The following NLGN1 variants were observed in gnomAD, a reference collection of about 807,000 sequenced individuals.
NLGN1 encodes neuroligin-1.
A neutral mutation model predicts 65.5 loss-of-function variants in NLGN1; 12 were observed. That is an observed-to-expected ratio of 0.18 (90% confidence interval 0.12 to 0.30). The LOEUF (loss-of-function observed/expected upper bound fraction) is 0.30, where lower values mean the gene tolerates loss of function less well. Among genes scored for constraint, NLGN1 ranks in the 10% least tolerant of loss-of-function variants. The probability of loss-of-function intolerance (pLI) is 1.00; values close to 1 mark genes in which losing one functional copy is unlikely to be tolerated. For synonymous variants in NLGN1, 350 were observed against 359.5 expected (o/e 0.97, Z 0.30); for missense variants, 750 against 1,007.1 (o/e 0.74, Z 3.46).
chr3:173,434,010 T>C (rs1170042909), intron 1 of NLGN1, among the ~76,000 whole-genome samples: 2 of 152,204 alleles, frequency 1.3e-5, no homozygotes, highest in African/African-American at 4.8e-5. Flanking sequence ...AAAATACTGC[T>C]TGCTATTTAA....
chr3:173,810,841 C>G (rs552411747), intron 4 of NLGN1, among the ~76,000 whole-genome samples: 1 of 152,320 alleles, frequency 6.6e-6, no homozygotes, highest in East Asian at 1.9e-4. Flanking sequence ...CTTCTACCGA[C>G]ACCCTTTAGT....
At chr3:173,468,884 G>A (rs753429361) in intron 2 of NLGN1, among the ~76,000 whole-genome samples, 1 of 152,078 alleles carries the variant, frequency 6.6e-6, no homozygotes, top group Non-Finnish European at 1.5e-5. Flanking sequence ...TTAAAAGCCA[G>A]TGCATAATAG....
intron 4 of NLGN1, among the ~76,000 whole-genome samples, chr3:174,015,877 A>G (rs1726462718): frequency 6.6e-6 from 1 of 152,220 alleles, no homozygotes; most frequent in Non-Finnish European, 1.5e-5. Context: ...GAATGAGAGT[A>G]AAGGAAATAG....
chr3:174,265,380 T>C (rs952615201), intron 4 of NLGN1, among the ~76,000 whole-genome samples: 1 of 152,128 alleles, frequency 6.6e-6, no homozygotes, highest in African/African-American at 2.4e-5. Flanking sequence ...TGTAATCTTG[T>C]GGTGCGCCGT....
At chr3:174,083,563 G>A (rs1220952405) in intron 4 of NLGN1, among the ~76,000 whole-genome samples, 1 of 151,940 alleles carries the variant, frequency 6.6e-6, no homozygotes, top group Non-Finnish European at 1.5e-5. Context: ...CATATATTGA[G>A]GTTACTTGCA....
intron 2 of NLGN1, among the ~76,000 whole-genome samples, chr3:173,517,267 A>G (rs1322897570): frequency 2.0e-5 from 3 of 152,072 alleles, no homozygotes; most frequent in Admixed American, 6.5e-5. Context: ...CAGTGTTAGA[A>G]TAGAAGATGC....
chr3:173,806,955 G>A (rs1439311102), intron 3 of NLGN1, among the ~76,000 whole-genome samples: 1 of 152,078 alleles, frequency 6.6e-6, no homozygotes, highest in Non-Finnish European at 1.5e-5. Context: ...CACAAAGAAA[G>A]TGAAAAAATA....
At chr3:173,437,511 A>G (rs893524044) in intron 2 of NLGN1, among the ~76,000 whole-genome samples, 1 of 152,164 alleles carries the variant, frequency 6.6e-6, no homozygotes, top group Non-Finnish European at 1.5e-5. Flanking sequence ...CTGCTTTTGA[A>G]CGTTGATGGA....
At chr3:174,055,172 G>A (rs141530002) in intron 4 of NLGN1, among the ~76,000 whole-genome samples, 735 of 73,110 alleles carry the variant, frequency 0.01, 15 homozygotes, top group East Asian at 0.072. Context: ...TTTTTTTTCT[G>A]TCCAGTGCCT....
intron 4 of NLGN1, among the ~76,000 whole-genome samples, chr3:173,811,726 A>G (rs1441982768): frequency 6.6e-6 from 1 of 152,130 alleles, no homozygotes; most frequent in Admixed American, 6.5e-5. Context: ...ATATAAGATA[A>G]GAATTGAAAG....
intron 4 of NLGN1, among the ~76,000 whole-genome samples, chr3:173,834,323 T>G (rs754574047): frequency 4.6e-5 from 7 of 152,276 alleles, no homozygotes; most frequent in African/African-American, 1.4e-4. Context: ...TACTCTTTAT[T>G]TTTTGGAAAA....
At chr3:173,997,955 C>T (rs1722592663) in intron 4 of NLGN1, among the ~76,000 whole-genome samples, 1 of 152,062 alleles carries the variant, frequency 6.6e-6, no homozygotes. Flanking sequence ...AGCATTTGAG[C>T]AAGATCTTGC....
chr3:174,217,063 G>T (rs1426418433), intron 4 of NLGN1, among the ~76,000 whole-genome samples: 6 of 151,968 alleles, frequency 3.9e-5, no homozygotes, highest in African/African-American at 9.7e-5. Context: ...TAAAAATAAG[G>T]TGTTGGCAGG....
At chr3:173,700,172 T>A (rs1766911421) in intron 3 of NLGN1, among the ~76,000 whole-genome samples, 1 of 152,236 alleles carries the variant, frequency 6.6e-6, no homozygotes, top group South Asian at 2.1e-4. Flanking sequence ...AAAATATTAT[T>A]GTTAATTGTA....
chr3:173,768,423 T>TC (rs1779084493), intron 3 of NLGN1, among the ~76,000 whole-genome samples: 1 of 152,092 alleles, frequency 6.6e-6, no homozygotes, highest in South Asian at 2.1e-4. Context: ...AATAGCCCTC[T>TC]CCCCAATCAC....
At chr3:173,914,565 A>G (rs1024950609) in intron 4 of NLGN1, among the ~76,000 whole-genome samples, 4 of 152,080 alleles carry the variant, frequency 2.6e-5, no homozygotes, top group Non-Finnish European at 5.9e-5. Flanking sequence ...ACATATGTAT[A>G]TATTTGATGA....
At chr3:173,539,901 TA>T (rs1330017801) in intron 2 of NLGN1, among the ~76,000 whole-genome samples, 2 of 145,978 alleles carry the variant, frequency 1.4e-5, no homozygotes, top group Non-Finnish European at 3.0e-5. Flanking sequence ...ATATATGTTA[TA>T]AATGTATATA....
At chr3:173,532,430 G>A (rs896251473) in intron 2 of NLGN1, among the ~76,000 whole-genome samples, 2 of 151,932 alleles carry the variant, frequency 1.3e-5, no homozygotes, top group Admixed American at 6.5e-5. Flanking sequence ...TTGCATTTTC[G>A]TATAGCCTAT....
intron 3 of NLGN1, among the ~76,000 whole-genome samples, chr3:173,732,876 G>A (rs1244321306): frequency 6.6e-6 from 1 of 151,914 alleles, no homozygotes; most frequent in African/African-American, 2.4e-5. Context: ...AAAGTTTCAT[G>A]TATTATAAAA....
Sources: gnomAD v4.1 joint callset for allele counts (sites outside exome capture counted in the v4.1 genomes callset) on GRCh38, gnomAD v4.1.1 for gene constraint, MANE v1.5 for transcripts, NCBI Gene and HGNC (gene_info 2026-07-23, HGNC 2026-07-21) for gene names.